The following ERMP1 variants were observed in gnomAD, a reference collection of about 807,000 sequenced individuals.
ERMP1 encodes the protein Felix-ina.
A neutral mutation model predicts 92.0 loss-of-function variants in ERMP1; 86 were observed. The observed-to-expected ratio is 0.93, with a 90% CI of 0.79 to 1.12. The LOEUF is 1.12. Among genes scored for constraint, ERMP1 ranks in the 50% most tolerant of loss-of-function variants. The pLI, the probability that ERMP1 is intolerant of heterozygous loss-of-function variation, is 0.00. For missense variants in ERMP1, 1,342 were observed against 1,116.3 expected (o/e 1.20, Z -2.88); for synonymous variants, 530 against 412.8 (o/e 1.28, Z -3.44).
intron 6 of ERMP1, among the ~76,000 whole-genome samples, chr9:5,847,691 C>A (rs1356060287): frequency 2.0e-5 from 3 of 152,074 alleles, no homozygotes; most frequent in Non-Finnish European, 2.9e-5. Context: ...GTCAAGAGAT[C>A]GAGACCATCC....
At chr9:5,863,903 C>T (rs1394471714) in intron 5 of ERMP1, among the ~76,000 whole-genome samples, 1 of 152,048 alleles carries the variant, frequency 6.6e-6, no homozygotes, top group African/African-American at 2.4e-5. Context: ...TTTTTAGTGA[C>T]TGAATAATAG....
chr9:5,797,647 CAAAA>C (rs58936639), intron 13 of ERMP1, among the ~76,000 whole-genome samples, 166 bp downstream of exon 13: 3 of 117,286 alleles, frequency 2.6e-5, no homozygotes, highest in African/African-American at 3.4e-5. Context: ...GACTCCATCT[CAAAA>C]AAAAAAAAAA....
intron 5 of ERMP1, among the ~76,000 whole-genome samples, chr9:5,865,097 A>G (rs1830612461): frequency 6.6e-6 from 1 of 152,116 alleles, no homozygotes; most frequent in African/African-American, 2.4e-5. Context: ...TAAAAATTAC[A>G]CAATCATTAA....
intron 4 of ERMP1, among the ~76,000 whole-genome samples, chr9:5,815,762 T>C (rs1829280084): frequency 1.3e-5 from 2 of 151,982 alleles, no homozygotes; most frequent in South Asian, 4.2e-4. Context: ...ACCTGGCAAA[T>C]AAATACCTTA....
chr9:5,863,390 G>A (rs981810973), intron 5 of ERMP1, among the ~76,000 whole-genome samples: 2 of 152,126 alleles, frequency 1.3e-5, no homozygotes, highest in Non-Finnish European at 2.9e-5. Flanking sequence ...TAAACCATAG[G>A]AAAGACAGTT....
rs1236510189 is a variant in ERMP1 at position 5,830,995 on chromosome 9, G to A, written c.372C>T (p.Pro124=). 1.2e-6 allele frequency: 2 copies of A among 1,613,812 alleles called. No individual in the cohort carries two copies. The highest frequency in any genetic ancestry group is 2.7e-5 in the African/African-American group (2 of 74,872). The change falls in exon 2 of 15, where the codon CCC becomes CCT. Residue 124 remains proline (P), a synonymous_variant. Transcript: ENST00000339450. ...CATTTTCTGGACTTCCTGTAGTCCTGGGGCCAATGGAGGTTATGTGTTCAA... is the reference window on the plus strand; with the variant it reads ...CATTTTCTGGACTTCCTGTAGTCCTAGGGCCAATGGAGGTTATGTGTTCAA... ...DYLEHITSIG[P]RTTGSPENEI...
intron 13 of ERMP1, among the ~76,000 whole-genome samples, chr9:5,789,904 G>C (rs1014954): frequency 5.6e-4 from 82 of 147,708 alleles, no homozygotes; most frequent in African/African-American, 1.9e-3. Context: ...GGCTGGTCTC[G>C]AGCTCCTGGG....
chr9:5,792,764 A>G (rs1422824934), intron 13 of ERMP1, among the ~76,000 whole-genome samples: 2 of 152,210 alleles, frequency 1.3e-5, no homozygotes, highest in Non-Finnish European at 2.9e-5. Context: ...ATGAAGCAGT[A>G]CAGTGTTAAC....
chr9:5,818,225 T>C (rs904089938), intron 4 of ERMP1, among the ~76,000 whole-genome samples: 4 of 151,526 alleles, frequency 2.6e-5, no homozygotes, highest in Non-Finnish European at 4.4e-5. Context: ...AATTCTGCAG[T>C]AGAGGGTCAG....
chr9:5,804,130 G>C (rs903968408), intron 10 of ERMP1, among the ~76,000 whole-genome samples: 2 of 152,062 alleles, frequency 1.3e-5, no homozygotes, highest in African/African-American at 4.8e-5. Flanking sequence ...ATGAAGAAAA[G>C]AACTATAATA....
At chr9:5,825,782 CAGGAA>C (rs1343635696) in intron 2 of ERMP1, among the ~76,000 whole-genome samples, 7 of 152,178 alleles carry the variant, frequency 4.6e-5, no homozygotes, top group Non-Finnish European at 1.0e-4. Flanking sequence ...TAGTAAGTCA[CAGGAA>C]AGGAGACTAA....
chr9:5,836,871 C>G (rs988520571), upstream of ERMP1, among the ~76,000 whole-genome samples: 1 of 152,072 alleles, frequency 6.6e-6, no homozygotes, highest in African/African-American at 2.4e-5. Context: ...GCTTTTCTAC[C>G]CCCATGAGCT....
At chr9:5,819,223 T>C (rs898542407) in intron 4 of ERMP1, among the ~76,000 whole-genome samples, 2 of 152,128 alleles carry the variant, frequency 1.3e-5, no homozygotes, top group Non-Finnish European at 2.9e-5. Context: ...TACAATGGGT[T>C]AGTCAGCCAT....
At chr9:5,801,027 TCTC>T (rs1287475674) in intron 11 of ERMP1, 146 bp downstream of exon 11, 4 of 611,990 alleles carry the variant, frequency 6.5e-6, no homozygotes, top group Non-Finnish European at 8.0e-6. Flanking sequence ...CAGTCAGTCT[TCTC>T]CTCACTGCCT....
At chr9:5,787,382 C>A (rs746164448) in intron 14 of ERMP1, 48 bp downstream of exon 14, 2 of 1,603,082 alleles carry the variant, frequency 1.2e-6, no homozygotes, top group African/African-American at 1.3e-5. Flanking sequence ...TGCTAAATAC[C>A]ACCTGGGAAC....
At chr9:5,790,174 T>TC (rs1158664667) in intron 13 of ERMP1, among the ~76,000 whole-genome samples, 3 of 148,720 alleles carry the variant, frequency 2.0e-5, no homozygotes, top group Non-Finnish European at 3.0e-5. Flanking sequence ...AATACCTTTT[T>TC]TTTTTTTTTT....
At chr9:5,840,953 A>C (rs918925823) in intron 6 of ERMP1, among the ~76,000 whole-genome samples, 3 of 152,230 alleles carry the variant, frequency 2.0e-5, no homozygotes, top group African/African-American at 7.2e-5. Context: ...AAGTTGATGA[A>C]AGGCAACTTG....
chr9:5,824,491 G>A (rs1011913490), intron 3 of ERMP1, among the ~76,000 whole-genome samples: 2 of 152,062 alleles, frequency 1.3e-5, no homozygotes, highest in Admixed American at 6.5e-5. Context: ...CAATCTCCAC[G>A]TTCCAGGTTC....
At chr9:5,831,142 T>C (rs919712399) in intron 1 of ERMP1, 114 bp from the exon 2 acceptor site, 3 of 719,434 alleles carry the variant, frequency 4.2e-6, no homozygotes, top group South Asian at 3.9e-5. Context: ...CTTTGCCTTA[T>C]ATAAAAGGGA....
Sources: allele counts gnomAD v4.1 joint callset (sites outside exome capture counted in the v4.1 genomes callset), GRCh38; gene constraint gnomAD v4.1.1; transcripts MANE v1.5; gene names NCBI Gene and HGNC (gene_info 2026-07-23, HGNC 2026-07-21).